The following HYAL4 variants were observed in gnomAD, a reference collection of about 807,000 sequenced individuals.
HYAL4 encodes the protein hyaluronidase 4, also known as hyaluronidase-4.
Under a neutral mutation model 35.2 loss-of-function variants are expected in HYAL4, and 37 were observed. That is an observed-to-expected ratio of 1.05 (90% CI 0.81 to 1.38). The LOEUF is 1.38. Ranked by LOEUF, HYAL4 falls within the 40% of genes most tolerant of loss-of-function variation. The pLI is 0.00. For missense variants in HYAL4, 572 were observed against 572.4 expected, an observed-to-expected ratio of 1.00 and a Z score of 0.01; for synonymous variants, 198 against 203.2, an observed-to-expected ratio of 0.97 and a Z score of 0.22.
At chr7:123,849,363 C>T (rs140937013) in intron 2 of HYAL4, among the ~76,000 whole-genome samples, 373 of 151,944 alleles carry the variant, frequency 2.5e-3, no homozygotes, top group Non-Finnish European at 3.6e-3. Flanking sequence ...TGCATCGGCG[C>T]GATCTTGGCT....
chr7:123,802,254 TA>T, the HYAL4 span, among the ~76,000 whole-genome samples: 1 of 129,014 alleles, frequency 7.8e-6, no homozygotes, highest in African/African-American at 2.7e-5. Flanking sequence ...TTTTTAAACT[TA>T]AATTAAATTT....
chr7:123,830,468 C>G (rs1408866166), intron 1 of HYAL4, among the ~76,000 whole-genome samples: 2 of 152,138 alleles, frequency 1.3e-5, no homozygotes, highest in Non-Finnish European at 2.9e-5. Flanking sequence ...CCTGAATAAC[C>G]TGAAAAATGA....
chr7:123,766,911 A>T, the HYAL4 span, among the ~76,000 whole-genome samples: 1 of 152,226 alleles, frequency 6.6e-6, no homozygotes, highest in South Asian at 2.1e-4. Flanking sequence ...GGACCCTTGC[A>T]TGATACCTTC....
intron 4 of HYAL4, among the ~76,000 whole-genome samples, chr7:123,876,541 AC>A (rs1807028874): frequency 6.6e-6 from 1 of 151,998 alleles, no homozygotes; most frequent in Non-Finnish European, 1.5e-5. Flanking sequence ...TGCCCCTCAG[AC>A]CTCTCCCCTT....
chr7:123,823,005 G>A, the HYAL4 span, among the ~76,000 whole-genome samples: 1 of 152,128 alleles, frequency 6.6e-6, no homozygotes, highest in East Asian at 1.9e-4. Context: ...GAAGTGATTA[G>A]AGTGAGTATC....
At chr7:123,769,497 T>C in the HYAL4 span, among the ~76,000 whole-genome samples, 2 of 152,154 alleles carry the variant, frequency 1.3e-5, no homozygotes. Flanking sequence ...TTCAGAGTAT[T>C]CCTGACATTG....
intron 2 of HYAL4, among the ~76,000 whole-genome samples, chr7:123,859,243 C>A (rs905454597): frequency 1.3e-5 from 2 of 152,154 alleles, no homozygotes; most frequent in Admixed American, 1.3e-4. Flanking sequence ...TTTTTCATAT[C>A]CAATTTCTCC....
chr7:123,848,709 T>C (rs1806228424), intron 2 of HYAL4, among the ~76,000 whole-genome samples: 1 of 152,202 alleles, frequency 6.6e-6, no homozygotes, highest in Non-Finnish European at 1.5e-5. Flanking sequence ...ATTTTACTTT[T>C]GCACCATCTT....
At chr7:123,825,960 C>T (rs1805799203), upstream of HYAL4, among the ~76,000 whole-genome samples, 1 of 151,248 alleles carries the variant, frequency 6.6e-6, no homozygotes, top group Non-Finnish European at 1.5e-5. Flanking sequence ...ATAATCAAAA[C>T]TATTGCAATA....
chr7:123,767,344 T>C, the HYAL4 span, among the ~76,000 whole-genome samples: 1 of 152,216 alleles, frequency 6.6e-6, no homozygotes, highest in Non-Finnish European at 1.5e-5. Flanking sequence ...TTTTGTTTGG[T>C]GAACTGGATC....
chr7:123,801,833 C>T, the HYAL4 span, among the ~76,000 whole-genome samples: 2 of 152,254 alleles, frequency 1.3e-5, no homozygotes, highest in Admixed American at 6.5e-5. Context: ...TTAAAATGTG[C>T]ACTACTAATT....
At chr7:123,842,352 G>A (rs536919758), upstream of HYAL4, among the ~76,000 whole-genome samples, 3 of 152,008 alleles carry the variant, frequency 2.0e-5, no homozygotes, top group African/African-American at 7.2e-5. Flanking sequence ...TTGCACTGTG[G>A]TCTGAGAGAC....
the HYAL4 span, among the ~76,000 whole-genome samples, chr7:123,793,181 C>T: frequency 6.6e-6 from 1 of 152,198 alleles, no homozygotes; most frequent in Non-Finnish European, 1.5e-5. Flanking sequence ...CCAGGATGTA[C>T]AGAGGGTCTC....
the HYAL4 span, among the ~76,000 whole-genome samples, chr7:123,821,804 A>G: frequency 1.3e-5 from 2 of 152,284 alleles, no homozygotes; most frequent in South Asian, 2.1e-4. Context: ...TCTTTAGTCC[A>G]GTTTGAATTG....
At chr7:123,773,625 TG>T in the HYAL4 span, among the ~76,000 whole-genome samples, 1 of 152,200 alleles carries the variant, frequency 6.6e-6, no homozygotes. Flanking sequence ...AATTTTACCT[TG>T]GGGTGTGTGC....
At chr7:123,801,987 G>T in the HYAL4 span, among the ~76,000 whole-genome samples, 85 of 152,256 alleles carry the variant, frequency 5.6e-4, no homozygotes, top group African/African-American at 1.9e-3. Context: ...AGAATAGTAT[G>T]GAAAACACTT....
chr7:123,789,946 A>G, the HYAL4 span, among the ~76,000 whole-genome samples: 1 of 152,272 alleles, frequency 6.6e-6, no homozygotes, highest in African/African-American at 2.4e-5. Flanking sequence ...ATTGTAAGGA[A>G]TTGAATCACA....
At chr7:123,826,621 G>C (rs573932121), upstream of HYAL4, among the ~76,000 whole-genome samples, 1 of 152,064 alleles carries the variant, frequency 6.6e-6, no homozygotes, top group East Asian at 1.9e-4. Flanking sequence ...AGACCAAATT[G>C]CTACTTGGGA....
intron 1 of HYAL4, among the ~76,000 whole-genome samples, chr7:123,829,816 GTGAGA>G (rs1350658610): frequency 1.3e-5 from 2 of 152,136 alleles, no homozygotes; most frequent in African/African-American, 2.4e-5. Flanking sequence ...GAGTGACAAA[GTGAGA>G]CCCCGTCTCA....
Sources: allele counts gnomAD v4.1 joint callset (sites outside exome capture counted in the v4.1 genomes callset), GRCh38; gene constraint gnomAD v4.1.1; transcripts MANE v1.5; gene names NCBI Gene and HGNC (gene_info 2026-07-23, HGNC 2026-07-21).